The following KCNH7 variants were observed in gnomAD, a reference collection of about 807,000 sequenced individuals.
The protein encoded by KCNH7 is potassium voltage-gated channel subfamily H member 7.
A neutral mutation model predicts 120.8 loss-of-function variants in KCNH7; 49 were observed. That is an observed-to-expected ratio of 0.41 (90% CI 0.32 to 0.51). KCNH7 has a LOEUF of 0.51. KCNH7 is among the 20% of genes least tolerant of loss of function. The pLI, the probability that KCNH7 is intolerant of heterozygous loss-of-function variation, is 0.38. For synonymous variants in KCNH7, 547 were observed against 516.1 expected, an observed-to-expected ratio of 1.06 and a Z score of -0.81; for missense variants, 1,097 against 1,446.6, an observed-to-expected ratio of 0.76 and a Z score of 3.92.
intron 2 of KCNH7, among the ~76,000 whole-genome samples, chr2:162,793,278 A>G (rs1482215130): frequency 6.6e-6 from 1 of 151,924 alleles, no homozygotes; most frequent in Non-Finnish European, 1.5e-5. Flanking sequence ...GGGGAACAAC[A>G]CACACTGGGA....
At chr2:162,391,844 T>C (rs1024365414) in intron 12 of KCNH7, among the ~76,000 whole-genome samples, 2 of 152,006 alleles carry the variant, frequency 1.3e-5, no homozygotes, top group Admixed American at 1.3e-4. Flanking sequence ...ACATAAGAGA[T>C]GAACTTCAGG....
chr2:162,435,235 C>T lies in KCNH7; in HGVS notation c.1917G>A (p.Ser639=), dbSNP rs368113772. 11 of 1,613,244 alleles carry T rather than the reference C, an allele frequency of 6.8e-6. No individual in the cohort carries two copies. Among genetic ancestry groups the T allele is most frequent in the South Asian group, 1.1e-5 (1 of 91,054 alleles). ...GFGNVSPNTN[S]EKIFSICVML... is the part of the protein sequence containing the mutation. ...TGACACAAATTGAAAAGATTTTCTC[C>T]GAATTCGTGTTAGGAGACACATTCC... Residue 639 remains serine, a synonymous_variant, in exon 8 of 16, where the codon TCG becomes TCA. Transcript: ENST00000332142.
intron 9 of KCNH7, among the ~76,000 whole-genome samples, chr2:162,402,736 TG>T (rs935119504): frequency 3.9e-5 from 6 of 151,910 alleles, no homozygotes; most frequent in Admixed American, 2.6e-4. Context: ...GCTGCATTTC[TG>T]GCATTTTCCC....
chr2:162,749,881 G>A (rs1182834861), intron 2 of KCNH7, among the ~76,000 whole-genome samples: 1 of 152,134 alleles, frequency 6.6e-6, no homozygotes, highest in African/African-American at 2.4e-5. Flanking sequence ...TGAGAGTTGG[G>A]TAAAGCATGA....
In KCNH7 at chr2:162,517,836, T is replaced by A; in HGVS notation, c.786A>T (p.Arg262Ser). The change falls in exon 4 of 16, where the codon AGA becomes AGT. Residue 262 changes from arginine (R) to serine (S), a missense_variant. By Grantham distance (110) the Arg-to-Ser change is moderately radical. Around this residue, in one of 8 missense-constraint regions of KCNH7, gnomAD observed 362 missense variants for 372.2 expected, o/e 0.97. Transcript: ENST00000332142. ...GTATACTACATAAGCTTTCCCTTGA[T>A]CTGGAATGGGACAGCTGGGAACTTG... ...LQSSSQLSHS[R>S]SRESLCSIRR... is the part of the protein sequence containing the mutation. The A allele has an allele frequency of 1.2e-6, 2 of 1,612,396 alleles. No individual in the cohort carries two copies. The highest frequency in any genetic ancestry group is 1.7e-6 in the Non-Finnish European group (2 of 1,178,884).
chr2:162,715,312 G>T (rs1251566366), intron 2 of KCNH7, among the ~76,000 whole-genome samples: 1 of 152,110 alleles, frequency 6.6e-6, no homozygotes, highest in African/African-American at 2.4e-5. Flanking sequence ...ACTTTTAAAT[G>T]ACCAGATCTT....
intron 2 of KCNH7, among the ~76,000 whole-genome samples, chr2:162,724,376 T>G (rs1401694351): frequency 1.3e-5 from 2 of 152,066 alleles, no homozygotes; most frequent in African/African-American, 4.8e-5. Flanking sequence ...AGAATAAACA[T>G]AAGAATATAC....
chr2:162,645,379 C>G (rs539257074), intron 2 of KCNH7, among the ~76,000 whole-genome samples: 36 of 152,262 alleles, frequency 2.4e-4, no homozygotes, highest in African/African-American at 8.7e-4. Flanking sequence ...ATCTTTTGAC[C>G]TTGTGATCCA....
chr2:162,786,612 CAAAGT>C (rs1683715411), intron 2 of KCNH7, among the ~76,000 whole-genome samples: 1 of 151,980 alleles, frequency 6.6e-6, no homozygotes. Flanking sequence ...GTATTTAAAG[CAAAGT>C]ATTTTAAAAT....
chr2:162,825,593 A>G (rs1685252447), intron 2 of KCNH7, among the ~76,000 whole-genome samples: 1 of 152,070 alleles, frequency 6.6e-6, no homozygotes, highest in African/African-American at 2.4e-5. Context: ...AGTAAGGAAA[A>G]AAGTACAGGT....
intron 2 of KCNH7, among the ~76,000 whole-genome samples, chr2:162,808,726 A>G (rs1684633983): frequency 4.6e-5 from 7 of 151,620 alleles, no homozygotes; most frequent in Admixed American, 4.6e-4. Flanking sequence ...GTGTGTGCAT[A>G]TATATATTAA....
intron 2 of KCNH7, among the ~76,000 whole-genome samples, chr2:162,833,493 GC>G (rs1685549485): frequency 6.6e-6 from 1 of 152,070 alleles, no homozygotes; most frequent in Non-Finnish European, 1.5e-5. Flanking sequence ...AAGATTTACA[GC>G]TTTATCACCT....
chr2:162,378,749 T>G (rs1686304030), intron 14 of KCNH7, among the ~76,000 whole-genome samples: 2 of 152,208 alleles, frequency 1.3e-5, no homozygotes. Context: ...TCATCGCATC[T>G]TGGCTCCATG....
chr2:162,394,136 A>T (rs144243673), intron 12 of KCNH7, among the ~76,000 whole-genome samples: 89 of 152,078 alleles, frequency 5.9e-4, no homozygotes, highest in African/African-American at 2.0e-3. Flanking sequence ...AACGTCTTTT[A>T]AAAATCAATC....
intron 2 of KCNH7, among the ~76,000 whole-genome samples, chr2:162,575,575 A>G (rs1394477278): frequency 6.6e-6 from 1 of 151,864 alleles, no homozygotes. Context: ...GTTTACCCCC[A>G]TGTTTCCTGA....
intron 2 of KCNH7, among the ~76,000 whole-genome samples, chr2:162,595,740 T>C (rs1046718112): frequency 2.6e-5 from 4 of 151,916 alleles, no homozygotes; most frequent in African/African-American, 9.7e-5. Context: ...GAAAAAGAAA[T>C]ACAAGGCATC....
chr2:162,641,912 G>C lies in KCNH7; in HGVS notation c.308-104832C>G, dbSNP rs577936786. Among the ~76,000 whole-genome samples, 4 of 152,200 alleles carry C rather than the reference G, an allele frequency of 2.6e-5. No homozygotes were observed. In the South Asian group the frequency reaches 8.3e-4, roughly 32 times the overall value. On this transcript the variant is annotated intron_variant, in intron 2 of 15. Transcript: ENST00000332142. ...ATTTAAAAATATGAACATAGAGTCTGAGGAATTTAGATATATTTAATAACT... is the reference window on the plus strand; with the variant it reads ...ATTTAAAAATATGAACATAGAGTCTCAGGAATTTAGATATATTTAATAACT...
intron 2 of KCNH7, among the ~76,000 whole-genome samples, chr2:162,813,971 T>A (rs1684824746): frequency 6.6e-6 from 1 of 152,154 alleles, no homozygotes; most frequent in Admixed American, 6.5e-5. Context: ...AAAAAGTGAA[T>A]CATTCCATTA....
At chr2:162,372,148 A>G in intron 15 of KCNH7, 53 bp from the exon 16 acceptor site, 1 of 1,392,952 alleles carries the variant, frequency 7.2e-7, no homozygotes, top group Non-Finnish European at 9.9e-7. Context: ...ATAGATAGTC[A>G]TTGAAAATTA....
Sources: gnomAD v4.1 joint callset for allele counts (sites outside exome capture counted in the v4.1 genomes callset) on GRCh38, gnomAD v4.1.1 for gene constraint, gnomAD v4.1.1 regional missense constraint, MANE v1.5 for transcripts, NCBI Gene and HGNC (gene_info 2026-07-23, HGNC 2026-07-21) for gene names.